The following ELF1 variants were observed in gnomAD, a reference collection of about 807,000 sequenced individuals.
ELF1 encodes ETS-related transcription factor Elf-1.
ELF1 carries 24 observed loss-of-function variants against 59.9 expected under a neutral mutation model. That is an observed-to-expected ratio of 0.40 (90% CI 0.29 to 0.56). The LOEUF is 0.56. Ranked by LOEUF, ELF1 falls within the 20% of genes least tolerant of loss-of-function variation. The probability of loss-of-function intolerance (pLI) is 0.44; values close to 1 mark genes in which losing one functional copy is unlikely to be tolerated. For synonymous variants in ELF1, 248 were observed against 266.2 expected, an observed-to-expected ratio of 0.93 and a Z score of 0.67; for missense variants, 627 against 742.2, an observed-to-expected ratio of 0.84 and a Z score of 1.80.
exon 1 of ELF1, chr13:41,061,340 G>A (rs1010572452): frequency 3.3e-5 from 15 of 454,484 alleles, no homozygotes; most frequent in South Asian, 2.2e-4. Flanking sequence ...GCAGGGACTT[G>A]AGGCTTGAGA....
intron 1 of ELF1, among the ~76,000 whole-genome samples, chr13:40,987,757 T>C (rs1300702228): frequency 6.6e-6 from 1 of 152,284 alleles, no homozygotes; most frequent in East Asian, 1.9e-4. Context: ...TCTGTTTATG[T>C]ACATATGGCA....
At chr13:40,971,941 G>GT (rs1418677260) in intron 2 of ELF1, among the ~76,000 whole-genome samples, 1 of 97,720 alleles carries the variant, frequency 1.0e-5, no homozygotes, top group Non-Finnish European at 2.7e-5. Flanking sequence ...CAAACAGGTA[G>GT]TTTTTTTTTG....
chr13:40,937,964 C>T (rs998929346), intron 8 of ELF1, among the ~76,000 whole-genome samples: 3 of 152,012 alleles, frequency 2.0e-5, no homozygotes, highest in African/African-American at 7.3e-5. Flanking sequence ...TTACAGGTGC[C>T]TGCCACCATA....
intron 1 of ELF1, among the ~76,000 whole-genome samples, chr13:41,048,210 A>G (rs1593412805): frequency 6.6e-6 from 1 of 151,722 alleles, no homozygotes; most frequent in Non-Finnish European, 1.5e-5. Flanking sequence ...GAATTCCCTG[A>G]CCCCTTGCGC....
chr13:41,049,683 C>T (rs965943401), intron 1 of ELF1, among the ~76,000 whole-genome samples: 2 of 152,186 alleles, frequency 1.3e-5, no homozygotes, highest in Non-Finnish European at 1.5e-5. Flanking sequence ...CTCCCTTTCT[C>T]TTACATAAGG....
Position 40,947,607 on chromosome 13 carries a change from GTAA to G in ELF1, c.529+2196_529+2198del, listed in dbSNP as rs1366307225. On this transcript the variant is annotated intron_variant, in intron 5 of 8. Coordinates refer to ENST00000239882, the MANE Select transcript of ELF1 (RefSeq NM_172373.4). ...ACTAACATTAGGAATTGCCAGCCAAGTAATTAACACAGATGTAGCCCCAGGACT... is the reference window on the plus strand; with the variant it reads ...ACTAACATTAGGAATTGCCAGCCAAGTTAACACAGATGTAGCCCCAGGACT... Among the ~76,000 whole-genome samples, 7 of 152,354 alleles carry G rather than the reference GTAA, an allele frequency of 4.6e-5. No individual in the cohort carries two copies. The East Asian group carries it at 5.8e-4, about 13-fold the overall frequency.
intron 7 of ELF1, 93 bp downstream of exon 7, chr13:40,942,859 T>C (rs1870266361): frequency 7.8e-7 from 1 of 1,286,528 alleles, no homozygotes; most frequent in Non-Finnish European, 1.0e-6. Flanking sequence ...GCATTACCAC[T>C]ATTGGTGCTT....
intron 2 of ELF1, among the ~76,000 whole-genome samples, chr13:40,966,228 A>C (rs1593367465): frequency 6.6e-6 from 1 of 152,392 alleles, no homozygotes; most frequent in East Asian, 1.9e-4. Flanking sequence ...CAGGGTTTCC[A>C]AAGCTTCAAT....
rs374423662 is a variant in ELF1, at chr13:40,942,945, C to T, written c.806+7G>A. 52 of 1,546,514 alleles carry T rather than the reference C, an allele frequency of 3.4e-5. 1 individual carries two copies. In the Middle Eastern group the frequency reaches 3.6e-3, roughly 108 times the overall value. ...TTAACACAATAAAATACCAAAACTT[C>T]GCATACCTGAGTGCTCTTCCCATGG... On this transcript the variant is annotated splice_region_variant and intron_variant, in intron 7 of 8. Transcript: ENST00000239882.
intron 2 of ELF1, among the ~76,000 whole-genome samples, chr13:40,960,568 TCCC>T (rs1220920958): frequency 6.6e-6 from 1 of 152,176 alleles, no homozygotes; most frequent in East Asian, 1.9e-4. Context: ...TACCTATTTG[TCCC>T]CCCATTGCTG....
intron 1 of ELF1, among the ~76,000 whole-genome samples, chr13:41,044,303 A>C (rs1013910615): frequency 2.0e-5 from 3 of 152,126 alleles, no homozygotes; most frequent in African/African-American, 7.2e-5. Flanking sequence ...TCTCCTGCCT[A>C]ATTGCCCTGG....
At chr13:40,955,917 G>T (rs938440779) in intron 3 of ELF1, among the ~76,000 whole-genome samples, 1 of 107,088 alleles carries the variant, frequency 9.3e-6, no homozygotes, top group Non-Finnish European at 1.9e-5. Context: ...TCAGCCCCCC[G>T]CCCGGCCAGC....
At chr13:41,054,070 T>C (rs1438758343) in intron 1 of ELF1, among the ~76,000 whole-genome samples, 2 of 152,024 alleles carry the variant, frequency 1.3e-5, no homozygotes, top group Non-Finnish European at 2.9e-5. Context: ...AAAAAATCAG[T>C]ACAACAAAAG....
chr13:40,960,544 CA>C (rs1173479114), intron 2 of ELF1, among the ~76,000 whole-genome samples: 1 of 152,168 alleles, frequency 6.6e-6, no homozygotes, highest in Non-Finnish European at 1.5e-5. Flanking sequence ...TATATCATGT[CA>C]GGGGGTCCAA....
At chr13:41,036,481 T>C (rs930360876) in intron 1 of ELF1, among the ~76,000 whole-genome samples, 4 of 152,134 alleles carry the variant, frequency 2.6e-5, no homozygotes, top group Non-Finnish European at 4.4e-5. Flanking sequence ...AGTGGAGAAA[T>C]AGGAACACTG....
At chr13:40,986,445 G>T (rs370627584) in intron 1 of ELF1, among the ~76,000 whole-genome samples, 2 of 152,316 alleles carry the variant, frequency 1.3e-5, no homozygotes, top group Admixed American at 6.5e-5. Flanking sequence ...GTATATGCAA[G>T]AAATATGTAA....
chr13:40,959,782 T>C (rs149727442), intron 2 of ELF1, among the ~76,000 whole-genome samples: 40 of 152,304 alleles, frequency 2.6e-4, no homozygotes, highest in Admixed American at 1.3e-3. Flanking sequence ...TGTCTAGTTA[T>C]AATATCACAG....
chr13:41,022,769 C>T (rs1268439754), upstream of ELF1, among the ~76,000 whole-genome samples: 1 of 152,076 alleles, frequency 6.6e-6, no homozygotes, highest in African/African-American at 2.4e-5. Flanking sequence ...ATCTCAGCTA[C>T]TCAGGAGGCT....
chr13:40,951,321 T>C lies in ELF1; in HGVS notation c.361+8A>G, dbSNP rs2138161187. The C allele has an allele frequency of 6.2e-7, 1 of 1,600,944 alleles. No homozygotes were observed. The highest frequency in any genetic ancestry group is 8.5e-7 in the Non-Finnish European group (1 of 1,170,304). On this transcript the variant is annotated splice_region_variant and intron_variant, in intron 4 of 8. Transcript: ENST00000239882. ...AGTACATAAACATAAACAATCATAA[T>C]CACTCACTTATTCGTTTTTCATCCA...
Sources: gnomAD v4.1 joint callset for allele counts (sites outside exome capture counted in the v4.1 genomes callset) on GRCh38, gnomAD v4.1.1 for gene constraint, MANE v1.5 for transcripts, NCBI Gene and HGNC (gene_info 2026-07-23, HGNC 2026-07-21) for gene names.